The following MAGI2 variants were observed in gnomAD, a reference collection of about 807,000 sequenced individuals.
MAGI2 encodes the protein membrane-associated guanylate kinase, WW and PDZ domain-containing protein 2.
Under a neutral mutation model 133.3 loss-of-function variants are expected in MAGI2, and 35 were observed. The ratio of observed to expected loss-of-function variants is 0.26; its 90% CI spans 0.20 to 0.35. The LOEUF (loss-of-function observed/expected upper bound fraction) is 0.35. MAGI2 is among the 10% of genes least tolerant of loss of function. The pLI is 1.00. For missense variants in MAGI2, 1,636 were observed against 1,863.4 expected (o/e 0.88, Z 2.25); for synonymous variants, 729 against 710.6 (o/e 1.03, Z -0.41).
chr7:78,734,435 T>C (rs1821655028), intron 2 of MAGI2, among the ~76,000 whole-genome samples: 1 of 152,172 alleles, frequency 6.6e-6, no homozygotes, highest in Admixed American at 6.5e-5. Flanking sequence ...CCTACCTCAG[T>C]GAGCCACTAT....
intron 6 of MAGI2, among the ~76,000 whole-genome samples, chr7:78,391,054 T>C (rs1583852116): frequency 6.6e-6 from 1 of 152,210 alleles, no homozygotes; most frequent in African/African-American, 2.4e-5. Context: ...TAAGAAAATG[T>C]GGAGAGCCAC....
intron 2 of MAGI2, among the ~76,000 whole-genome samples, chr7:78,672,274 T>C (rs1297213807): frequency 6.6e-6 from 1 of 152,074 alleles, no homozygotes. Context: ...ACCTCCCCCC[T>C]CTCTCTCTTG....
chr7:78,633,385 T>C (rs774031502), intron 2 of MAGI2, among the ~76,000 whole-genome samples: 2 of 151,944 alleles, frequency 1.3e-5, no homozygotes, highest in African/African-American at 4.8e-5. Flanking sequence ...TTCACATGTA[T>C]CCCCAGAACC....
At chr7:78,952,486 C>T (rs988305947) in intron 2 of MAGI2, among the ~76,000 whole-genome samples, 1 of 152,064 alleles carries the variant, frequency 6.6e-6, no homozygotes, top group African/African-American at 2.4e-5. Context: ...TTCATTTGTA[C>T]AAGCCTACTC....
chr7:78,347,824 A>G (rs945941388), intron 7 of MAGI2, among the ~76,000 whole-genome samples: 2 of 152,206 alleles, frequency 1.3e-5, no homozygotes, highest in Non-Finnish European at 2.9e-5. Context: ...CACTGGAAAT[A>G]AAACGTTATT....
chr7:79,044,316 A>G (rs1811971402), intron 1 of MAGI2, among the ~76,000 whole-genome samples: 1 of 152,198 alleles, frequency 6.6e-6, no homozygotes, highest in South Asian at 2.1e-4. Flanking sequence ...GCATAAACAG[A>G]ACTAAAAACA....
chr7:78,235,411 C>T (rs979321331), intron 10 of MAGI2, among the ~76,000 whole-genome samples: 1 of 152,214 alleles, frequency 6.6e-6, no homozygotes, highest in African/African-American at 2.4e-5. Context: ...ACCCAAGTCT[C>T]ATCTTGAACT....
intron 2 of MAGI2, among the ~76,000 whole-genome samples, chr7:78,975,813 A>G (rs1399459752): frequency 6.6e-6 from 1 of 151,654 alleles, no homozygotes; most frequent in African/African-American, 2.4e-5. Context: ...CAAATGGTCA[A>G]TATCAGAAAT....
intron 2 of MAGI2, among the ~76,000 whole-genome samples, chr7:78,913,109 A>T (rs997349188): frequency 6.6e-6 from 1 of 152,088 alleles, no homozygotes; most frequent in African/African-American, 2.4e-5. Context: ...TCATGTGAAA[A>T]GCCTTCTATA....
chr7:79,095,292 C>T (rs1817425449), intron 1 of MAGI2, among the ~76,000 whole-genome samples: 2 of 152,160 alleles, frequency 1.3e-5, no homozygotes, highest in South Asian at 4.1e-4. Flanking sequence ...GACAATCTGT[C>T]CAGATCATTC....
chr7:78,352,247 A>T (rs1472359871), intron 7 of MAGI2, among the ~76,000 whole-genome samples: 1 of 152,196 alleles, frequency 6.6e-6, no homozygotes, highest in Non-Finnish European at 1.5e-5. Context: ...GAAAACAGGG[A>T]CAAAAAAGAA....
chr7:79,153,400 T>C (rs777615284), intron 1 of MAGI2, among the ~76,000 whole-genome samples: 21 of 152,048 alleles, frequency 1.4e-4, no homozygotes, highest in Non-Finnish European at 2.9e-4. Flanking sequence ...AATAAAATAG[T>C]TTTACAAATA....
At chr7:79,116,811 C>T (rs1473608716) in intron 1 of MAGI2, among the ~76,000 whole-genome samples, 1 of 152,090 alleles carries the variant, frequency 6.6e-6, no homozygotes, top group East Asian at 1.9e-4. Context: ...TCTCTTGCTC[C>T]CCCTGTCACC....
intron 1 of MAGI2, among the ~76,000 whole-genome samples, chr7:79,363,669 A>G (rs1183237263): frequency 6.7e-6 from 1 of 148,280 alleles, no homozygotes; most frequent in Non-Finnish European, 1.5e-5. Flanking sequence ...ACATGACTCC[A>G]AAAGTACTGG....
chr7:79,011,886 TTCC>T (rs1451961107), intron 1 of MAGI2, among the ~76,000 whole-genome samples: 13 of 122,780 alleles, frequency 1.1e-4, no homozygotes, highest in African/African-American at 3.8e-4. Context: ...CCTTCCTTTC[TTCC>T]TTCCTTCCTT....
At chr7:78,699,700 C>T (rs898280949) in intron 2 of MAGI2, among the ~76,000 whole-genome samples, 2 of 152,092 alleles carry the variant, frequency 1.3e-5, no homozygotes, top group African/African-American at 4.8e-5. Flanking sequence ...AACAAGGTTC[C>T]TCATATAACA....
chr7:79,324,610 A>AT lies in MAGI2; in HGVS notation c.301+128409_301+128410insA, dbSNP rs1554444858. Among the ~76,000 whole-genome samples, 10 of 11,554 alleles carry AT rather than the reference A, an allele frequency of 8.7e-4. 1 individual carries two copies. Among genetic ancestry groups the AT allele is most frequent in the African/African-American group, 2.3e-3 (9 of 3,870 alleles). 7.6% of individuals were successfully genotyped at this position (11,554 alleles called of 152,430 possible). A position where few individuals can be genotyped will look rare whatever the true frequency, so the allele number is the denominator to read the frequency against. On this transcript the variant is annotated intron_variant, in intron 1 of 21. Transcript: ENST00000354212. ...TATATATAACAATATATATATAAAAAATATATATAATATATATATTATATA... is the reference window on the plus strand; with the variant it reads ...TATATATAACAATATATATATAAAAATATATATATAATATATATATTATATA...
intron 2 of MAGI2, among the ~76,000 whole-genome samples, chr7:78,956,664 G>A (rs1802403057): frequency 1.3e-5 from 2 of 152,148 alleles, no homozygotes; most frequent in South Asian, 2.1e-4. Flanking sequence ...GAGATGAAGA[G>A]GGAACAACTG....
At chr7:79,323,836 G>A (rs1377724132) in intron 1 of MAGI2, among the ~76,000 whole-genome samples, 4 of 152,132 alleles carry the variant, frequency 2.6e-5, no homozygotes, top group Non-Finnish European at 5.9e-5. Context: ...TGGAGCACAT[G>A]TGATAATCCC....
Sources: gnomAD v4.1 joint callset for allele counts (sites outside exome capture counted in the v4.1 genomes callset) on GRCh38, gnomAD v4.1.1 for gene constraint, MANE v1.5 for transcripts, NCBI Gene and HGNC (gene_info 2026-07-23, HGNC 2026-07-21) for gene names.